The following SNTG1 variants were observed in gnomAD, a reference collection of about 807,000 sequenced individuals.
SNTG1 encodes gamma-1-syntrophin.
A neutral mutation model predicts 74.7 loss-of-function variants in SNTG1; 39 were observed. The observed-to-expected ratio is 0.52, with a 90% CI of 0.40 to 0.68. The LOEUF (loss-of-function observed/expected upper bound fraction) is 0.68, where lower values mean the gene tolerates loss of function less well. SNTG1 is among the 30% of genes least tolerant of loss of function. SNTG1 has a pLI of 0.00. For synonymous variants in SNTG1, 254 were observed against 217.1 expected, an observed-to-expected ratio of 1.17 and a Z score of -1.49; for missense variants, 685 against 609.5, an observed-to-expected ratio of 1.12 and a Z score of -1.30.
intron 2 of SNTG1, among the ~76,000 whole-genome samples, chr8:50,233,828 T>G (rs1359710177): frequency 6.6e-6 from 1 of 151,706 alleles, no homozygotes; most frequent in Non-Finnish European, 1.5e-5. Flanking sequence ...TTTAAGGAAA[T>G]GAAAATCATC....
chr8:50,656,030 G>A (rs1457025715), intron 13 of SNTG1, among the ~76,000 whole-genome samples: 1 of 152,058 alleles, frequency 6.6e-6, no homozygotes, highest in Non-Finnish European at 1.5e-5. Context: ...TCCTATTGAT[G>A]ATAGAAGGTC....
intron 2 of SNTG1, among the ~76,000 whole-genome samples, chr8:50,383,369 T>G (rs1489076002): frequency 6.6e-6 from 1 of 152,150 alleles, no homozygotes; most frequent in Non-Finnish European, 1.5e-5. Context: ...CTATTATTAA[T>G]AAATCTTATG....
At chr8:49,983,401 T>C (rs986196045) in intron 1 of SNTG1, among the ~76,000 whole-genome samples, 1 of 152,264 alleles carries the variant, frequency 6.6e-6, no homozygotes, top group East Asian at 1.9e-4. Context: ...TCATTTATAC[T>C]GCATTCAATA....
At chr8:50,127,494 A>G (rs1805772643) in intron 1 of SNTG1, among the ~76,000 whole-genome samples, 1 of 152,056 alleles carries the variant, frequency 6.6e-6, no homozygotes, top group African/African-American at 2.4e-5. Context: ...CCCAGTGGGT[A>G]GAGGGACTGG....
intron 8 of SNTG1, among the ~76,000 whole-genome samples, chr8:50,481,103 C>A (rs546077766): frequency 6.6e-6 from 1 of 152,216 alleles, no homozygotes; most frequent in African/African-American, 2.4e-5. Flanking sequence ...ACAGCACAGG[C>A]TGGGCGCGGT....
At chr8:50,163,313 T>G (rs2082489689) in intron 1 of SNTG1, among the ~76,000 whole-genome samples, 2 of 152,144 alleles carry the variant, frequency 1.3e-5, no homozygotes, top group African/African-American at 2.4e-5. Context: ...CTATATAACC[T>G]ATTGATTAGA....
intron 12 of SNTG1, among the ~76,000 whole-genome samples, chr8:50,569,835 C>T (rs1250497227): frequency 6.6e-6 from 1 of 151,980 alleles, no homozygotes. Flanking sequence ...CTTTATCCAC[C>T]AAAATGTGAA....
chr8:50,285,968 A>G (rs1487142187), intron 2 of SNTG1, among the ~76,000 whole-genome samples: 1 of 152,152 alleles, frequency 6.6e-6, no homozygotes, highest in African/African-American at 2.4e-5. Flanking sequence ...TTCTATTTCA[A>G]TATTATGTTT....
intron 3 of SNTG1, among the ~76,000 whole-genome samples, chr8:50,399,210 A>AGTGTGTGT (rs5891363): frequency 8.6e-5 from 13 of 150,944 alleles, no homozygotes; most frequent in African/African-American, 3.2e-4. Context: ...TGTGTTTGTG[A>AGTGTGTGT]GTGTGTGTGT....
intron 5 of SNTG1, among the ~76,000 whole-genome samples, chr8:50,448,180 TA>T (rs1418314684): frequency 6.6e-6 from 1 of 152,092 alleles, no homozygotes; most frequent in African/African-American, 2.4e-5. Flanking sequence ...GCATGAATAT[TA>T]GGTTGCTGTG....
intron 12 of SNTG1, 107 bp from the exon 13 acceptor site, chr8:50,590,772 G>C: frequency 1.7e-6 from 1 of 601,452 alleles, no homozygotes; most frequent in Non-Finnish European, 2.8e-6. Context: ...ATCAAAATAG[G>C]ATATTAGTAT....
intron 1 of SNTG1, among the ~76,000 whole-genome samples, chr8:49,913,351 G>T (rs755631094): frequency 1.3e-5 from 2 of 152,188 alleles, no homozygotes; most frequent in African/African-American, 4.8e-5. Context: ...TGTGTGTAAC[G>T]ATAGTAAAAT....
intron 1 of SNTG1, among the ~76,000 whole-genome samples, chr8:50,003,778 T>C (rs2130479435): frequency 6.6e-6 from 1 of 152,284 alleles, no homozygotes; most frequent in East Asian, 1.9e-4. Flanking sequence ...GATTTGGTCA[T>C]TTTCTTTCTG....
intron 2 of SNTG1, among the ~76,000 whole-genome samples, chr8:50,327,963 A>G (rs111413865): frequency 5.9e-5 from 9 of 152,210 alleles, no homozygotes; most frequent in African/African-American, 1.9e-4. Flanking sequence ...TAATTCCTCT[A>G]TCTCATTTCT....
At chr8:50,715,663 A>C (rs1451852895) in intron 17 of SNTG1, among the ~76,000 whole-genome samples, 1 of 152,160 alleles carries the variant, frequency 6.6e-6, no homozygotes, top group Non-Finnish European at 1.5e-5. Flanking sequence ...TTGAATATAC[A>C]TTAAAAGCAT....
At chr8:50,289,445 G>T (rs2088967310) in intron 2 of SNTG1, among the ~76,000 whole-genome samples, 1 of 152,188 alleles carries the variant, frequency 6.6e-6, no homozygotes, top group East Asian at 1.9e-4. Flanking sequence ...AGTGACTGAA[G>T]TTGTACTTCC....
chr8:50,635,016 G>T (rs895439384), intron 13 of SNTG1, among the ~76,000 whole-genome samples: 9 of 152,200 alleles, frequency 5.9e-5, no homozygotes, highest in Middle Eastern at 3.4e-3. Flanking sequence ...GGCCCTAGTG[G>T]TTCATGCTCC....
At chr8:50,083,089 G>C (rs1822560837) in intron 1 of SNTG1, among the ~76,000 whole-genome samples, 1 of 152,320 alleles carries the variant, frequency 6.6e-6, no homozygotes, top group Non-Finnish European at 1.5e-5. Flanking sequence ...TATGCCAACA[G>C]AACTGAGGGA....
chr8:50,604,907 A>G (rs1475735073), intron 13 of SNTG1, among the ~76,000 whole-genome samples: 1 of 152,154 alleles, frequency 6.6e-6, no homozygotes, highest in Non-Finnish European at 1.5e-5. Flanking sequence ...TGGCATACGA[A>G]CAAGGTATCC....
Sources: allele counts gnomAD v4.1 joint callset (sites outside exome capture counted in the v4.1 genomes callset), GRCh38; gene constraint gnomAD v4.1.1; transcripts MANE v1.5; gene names NCBI Gene and HGNC (gene_info 2026-07-23, HGNC 2026-07-21).